Variants in COL23A1 observed in about 807,000 individuals in gnomAD.
The protein encoded by COL23A1 is collagen type XXIII alpha 1 chain.
In COL23A1, 97 loss-of-function variants were observed where a neutral mutation model predicts 99.3. That is an observed-to-expected ratio of 0.98 (90% CI 0.83 to 1.16). COL23A1 has a LOEUF of 1.16. COL23A1 is among the 50% of genes most tolerant of loss of function. The pLI is 0.00. For missense variants in COL23A1, 762 were observed against 757.4 expected, an observed-to-expected ratio of 1.01 and a Z score of -0.07; for synonymous variants, 320 against 308.2, an observed-to-expected ratio of 1.04 and a Z score of -0.40.
chr5:178,478,204 T>C (rs1757134352), intron 2 of COL23A1, among the ~76,000 whole-genome samples: 2 of 152,104 alleles, frequency 1.3e-5, no homozygotes, highest in African/African-American at 4.8e-5. Context: ...GTACAGGAGA[T>C]TGATGTGTGA....
At chr5:178,449,847 AG>A (rs1240832408) in intron 2 of COL23A1, among the ~76,000 whole-genome samples, 1 of 152,166 alleles carries the variant, frequency 6.6e-6, no homozygotes, top group Non-Finnish European at 1.5e-5. Context: ...AGTAAGTGAC[AG>A]GAACTGGACT....
rs1581373665 is a variant in COL23A1, at chr5:178,428,451, G to C, written c.362-121532C>G. On this transcript the variant is annotated intron_variant, in intron 2 of 28. Transcript: ENST00000390654. The surrounding 1 kb of genome is among the most constrained non-coding windows in gnomAD (Gnocchi z 5.0). ...TCCAGGGCCCCTTCCTCATTCTGCT[G>C]CTCGGAACTCCTTGTGACAAGGACT... 6.6e-6 allele frequency among the ~76,000 whole-genome samples: 1 copy of C among 152,210 alleles called. No homozygotes were observed. The highest frequency in any genetic ancestry group is 1.9e-4 in the East Asian group (1 of 5,196).
chr5:178,436,813 A>G (rs942462382), intron 2 of COL23A1, among the ~76,000 whole-genome samples: 6 of 151,688 alleles, frequency 4.0e-5, no homozygotes, highest in African/African-American at 2.4e-5. Flanking sequence ...CTTGGTAAAA[A>G]CTCTTGAGAA....
intron 2 of COL23A1, among the ~76,000 whole-genome samples, chr5:178,525,796 T>C (rs1225325153): frequency 6.6e-6 from 1 of 152,210 alleles, no homozygotes; most frequent in Non-Finnish European, 1.5e-5. Flanking sequence ...CCAAGGCTCA[T>C]AGGAAAAACT....
rs201778185 is a variant in COL23A1 at position 178,358,262 on chromosome 5, A to G, written c.362-51343T>C. 2.6e-3 allele frequency among the ~76,000 whole-genome samples: 267 copies of G among 101,674 alleles called. 8 individuals carry two copies. Among genetic ancestry groups the G allele is most frequent in the African/African-American group, 8.4e-3 (227 of 26,970 alleles). 66.7% of individuals were successfully genotyped at this position (101,674 alleles called of 152,430 possible). A position where few individuals can be genotyped will look rare whatever the true frequency, so the allele number is the denominator to read the frequency against. On this transcript the variant is annotated intron_variant, in intron 2 of 28. Coordinates refer to ENST00000390654, the MANE Select transcript of COL23A1 (RefSeq NM_173465.4). ...TGTATGTGTATGTGTGTGTATGTAT[A>G]TGTGTGTATATGTGTGTATGCGTGT...
chr5:178,554,741 G>GCCCATCAA (rs1762179088), intron 2 of COL23A1, among the ~76,000 whole-genome samples: 1 of 151,974 alleles, frequency 6.6e-6, no homozygotes, highest in Admixed American at 6.6e-5. Context: ...CAATGACCTG[G>GCCCATCAA]CCCATCAACG....
At chr5:178,247,691 G>A (rs1024571086) in intron 21 of COL23A1, 84 bp downstream of exon 21, 38 of 1,547,348 alleles carry the variant, frequency 2.5e-5, no homozygotes, top group Non-Finnish European at 3.2e-5. Context: ...GCTCTCTCCT[G>A]GGTCATGGCT....
chr5:178,453,215 A>C (rs377590943), intron 2 of COL23A1, among the ~76,000 whole-genome samples: 3 of 152,284 alleles, frequency 2.0e-5, no homozygotes, highest in East Asian at 1.9e-4. Context: ...CACACACACA[A>C]CATTATCTCT....
chr5:178,247,623 G>A (rs1764775363), intron 21 of COL23A1, 71 bp from the exon 22 acceptor site: 15 of 1,598,100 alleles, frequency 9.4e-6, no homozygotes, highest in Non-Finnish European at 1.3e-5. Flanking sequence ...CTGGCCCCTG[G>A]GGCCCTGTCC....
intron 1 of COL23A1, among the ~76,000 whole-genome samples, chr5:178,569,155 G>A (rs1040527213): frequency 1.3e-5 from 2 of 152,152 alleles, no homozygotes; most frequent in Non-Finnish European, 2.9e-5. Flanking sequence ...AAATGATGTC[G>A]AGATACTTTT....
Position 178,238,285 on chromosome 5 carries a change from C to A in COL23A1, c.*413G>T, listed in dbSNP as rs560683991. On this transcript the variant is annotated 3_prime_UTR_variant, in exon 29 of 29. Transcript: ENST00000390654. ...GCCAGGAGCAACAGCAGCCGCTGTT[C>A]CACCCCTGGGTCTTCTTGGATAGGG... 7 of 165,312 alleles carry A rather than the reference C, an allele frequency of 4.2e-5. No individual in the cohort carries two copies. The East Asian group carries it at 1.0e-3, about 24-fold the overall frequency. 10.2% of individuals were successfully genotyped at this position (165,312 alleles called of 1,614,324 possible). A position where few individuals can be genotyped will look rare whatever the true frequency, so the allele number is the denominator to read the frequency against.
At chr5:178,551,653 T>A (rs948527522) in intron 2 of COL23A1, among the ~76,000 whole-genome samples, 1 of 152,180 alleles carries the variant, frequency 6.6e-6, no homozygotes, top group Non-Finnish European at 1.5e-5. Flanking sequence ...TCAATTCTCA[T>A]GGCCATTCGA....
chr5:178,500,646 G>GA lies in COL23A1; in HGVS notation c.361+60035dup, dbSNP rs1249703780. On this transcript the variant is annotated intron_variant, in intron 2 of 28. Coordinates refer to ENST00000390654, the MANE Select transcript of COL23A1 (RefSeq NM_173465.4). ...CAAAAAACAACAAAACCCAGAAAAA[G>GA]AAAAAAAAAAAAAAGAAATTGGATC... is the stretch of plus-strand genomic sequence containing the variant. Among the ~76,000 whole-genome samples the GA allele has an allele frequency of 2.8e-3, 236 of 84,974 alleles. 1 individual carries two copies. Among genetic ancestry groups the GA allele is most frequent in the African/African-American group, 5.8e-3 (133 of 22,756 alleles). The allele number at this position is 84,974 out of a possible 152,430, so 55.7% of individuals were successfully genotyped here. A position where few individuals can be genotyped will look rare whatever the true frequency, so the allele number is the denominator to read the frequency against.
intron 5 of COL23A1, among the ~76,000 whole-genome samples, chr5:178,272,057 T>C (rs1756320760): frequency 6.6e-6 from 1 of 152,244 alleles, no homozygotes; most frequent in Admixed American, 6.5e-5. Flanking sequence ...TTCAGCCATT[T>C]GGTCACTCTG....
intron 2 of COL23A1, among the ~76,000 whole-genome samples, chr5:178,540,355 C>T (rs1240980488): frequency 6.6e-6 from 1 of 152,076 alleles, no homozygotes; most frequent in African/African-American, 2.4e-5. Context: ...CAACAGAAAG[C>T]AAATTTTAAA....
intron 2 of COL23A1, among the ~76,000 whole-genome samples, chr5:178,483,330 T>A (rs940667921): frequency 1.3e-5 from 2 of 151,442 alleles, no homozygotes; most frequent in African/African-American, 4.9e-5. Context: ...AAAAAAAAAA[T>A]CTTGAATGGT....
intron 12 of COL23A1, among the ~76,000 whole-genome samples, chr5:178,258,597 G>A (rs1047301276): frequency 3.3e-5 from 5 of 151,772 alleles, no homozygotes; most frequent in African/African-American, 4.8e-5. Flanking sequence ...GGGTTTCACC[G>A]CGTTAGCCAG....
Position 178,439,997 on chromosome 5 carries a change from T to A in COL23A1, c.361+120685A>T, listed in dbSNP as rs1416889081. On this transcript the variant is annotated intron_variant, in intron 2 of 28. Coordinates refer to ENST00000390654, the MANE Select transcript of COL23A1 (RefSeq NM_173465.4). This position sits in a 1 kb window ranked among gnomAD's most constrained non-coding sequence, Gnocchi z 4.2. ...GCAGAGACAGAAAACAGATCAGTGGTTGCCTGGGGCTGGGGGAAGGAACGG... is the reference window on the plus strand; with the variant it reads ...GCAGAGACAGAAAACAGATCAGTGGATGCCTGGGGCTGGGGGAAGGAACGG... 2 of 152,176 alleles carry A rather than the reference T, an allele frequency of 1.3e-5. No homozygotes were observed. The allele number at this position is 152,176 out of a possible 1,614,324, so 9.4% of individuals were successfully genotyped here. A position where few individuals can be genotyped will look rare whatever the true frequency, so the allele number is the denominator to read the frequency against.
chr5:178,265,640 AC>A (rs1755844735), intron 8 of COL23A1: 1 of 983,638 alleles, frequency 1.0e-6, no homozygotes, highest in Admixed American at 6.2e-5. Context: ...CCAGACCCCC[AC>A]TCAGCCAGTC....
Sources: allele counts gnomAD v4.1 joint callset (sites outside exome capture counted in the v4.1 genomes callset), GRCh38; gene constraint gnomAD v4.1.1; non-coding constraint Gnocchi (gnomAD v3.1); transcripts MANE v1.5; gene names NCBI Gene and HGNC (gene_info 2026-07-23, HGNC 2026-07-21).